The following THSD4 variants were observed in gnomAD, a reference collection of about 807,000 sequenced individuals.
The protein encoded by THSD4 is thrombospondin type-1 domain-containing protein 4.
Under a neutral mutation model 119.0 loss-of-function variants are expected in THSD4, and 69 were observed. That is an observed-to-expected ratio of 0.58 (90% CI 0.48 to 0.71). THSD4 has a LOEUF of 0.71. THSD4 is among the 30% of genes least tolerant of loss of function. The pLI is 0.00. For synonymous variants in THSD4, 524 were observed against 540.4 expected, an observed-to-expected ratio of 0.97 and a Z score of 0.42; for missense variants, 1,393 against 1,391.1, an observed-to-expected ratio of 1.00 and a Z score of -0.02.
chr15:71,332,256 G>A (rs190435400), intron 6 of THSD4, among the ~76,000 whole-genome samples: 2 of 152,342 alleles, frequency 1.3e-5, no homozygotes, highest in African/African-American at 2.4e-5. Flanking sequence ...ACAGCAGCTG[G>A]AGCCGTTGGT....
rs1003546437 is a variant in THSD4, at chr15:71,115,520, C to A, written c.-258C>A. On this transcript the variant is annotated 5_prime_UTR_variant, in exon 1 of 18. Transcript: ENST00000261862. This position sits in a 1 kb window ranked among gnomAD's most constrained non-coding sequence, Gnocchi z 4.4. ...GCGCGCGCCTGAACCGCTGGCCGCC[C>A]GCGCAGCCCGACGCGGAATCGGGGC... The A allele has an allele frequency of 7.2e-5, 11 of 151,776 alleles. No individual in the cohort carries two copies. Among genetic ancestry groups the A allele is most frequent in the African/African-American group, 2.2e-4 (9 of 41,484 alleles). The allele number at this position is 151,776 out of a possible 1,614,324, so 9.4% of individuals were successfully genotyped here.
intron 8 of THSD4, among the ~76,000 whole-genome samples, chr15:71,707,018 A>G (rs937840494): frequency 1.3e-5 from 2 of 152,116 alleles, no homozygotes; most frequent in Admixed American, 6.6e-5. Flanking sequence ...TGAAGGAGGC[A>G]GGAGGGGTTA....
chr15:71,684,158 C>G (rs1169215728), intron 8 of THSD4, among the ~76,000 whole-genome samples: 1 of 152,218 alleles, frequency 6.6e-6, no homozygotes, highest in African/African-American at 2.4e-5. Flanking sequence ...AGAATGGAAT[C>G]TGTTCCTTTT....
At chr15:71,659,333 A>G (rs1473317695) in intron 7 of THSD4, among the ~76,000 whole-genome samples, 1 of 152,234 alleles carries the variant, frequency 6.6e-6, no homozygotes, top group Non-Finnish European at 1.5e-5. Flanking sequence ...TTCAGGAAAC[A>G]TGATCCTGAG....
At chr15:71,573,129 T>A (rs1368770907) in intron 7 of THSD4, among the ~76,000 whole-genome samples, 1 of 152,080 alleles carries the variant, frequency 6.6e-6, no homozygotes, top group Non-Finnish European at 1.5e-5. Context: ...ACAACAGACT[T>A]AGGGTTTCTG....
intron 6 of THSD4, among the ~76,000 whole-genome samples, chr15:71,365,065 A>T (rs935213309): frequency 6.6e-6 from 1 of 151,636 alleles, no homozygotes; most frequent in East Asian, 1.9e-4. Flanking sequence ...TACAAAAATC[A>T]TTTATCAGAC....
intron 8 of THSD4, among the ~76,000 whole-genome samples, chr15:71,724,397 T>C (rs2052794574): frequency 1.3e-5 from 2 of 150,896 alleles, no homozygotes; most frequent in African/African-American, 4.8e-5. Flanking sequence ...GCCATTCTCC[T>C]GCCTCAGCCT....
intron 7 of THSD4, among the ~76,000 whole-genome samples, chr15:71,607,956 G>A (rs2050139673): frequency 6.6e-6 from 1 of 152,122 alleles, no homozygotes. Flanking sequence ...GGGCTGGGTG[G>A]CTTACACCTG....
At chr15:71,456,844 C>G (rs955682939) in intron 7 of THSD4, among the ~76,000 whole-genome samples, 3 of 152,082 alleles carry the variant, frequency 2.0e-5, no homozygotes, top group Non-Finnish European at 4.4e-5. Flanking sequence ...TTTAACAAAC[C>G]AGTGTTATTT....
chr15:71,290,826 T>C (rs890077922), intron 6 of THSD4, among the ~76,000 whole-genome samples: 1 of 151,876 alleles, frequency 6.6e-6, no homozygotes, highest in African/African-American at 2.4e-5. Context: ...ATTTTTAACA[T>C]GTATAGTCAC....
At chr15:71,482,484 G>A (rs1029687425) in intron 7 of THSD4, among the ~76,000 whole-genome samples, 3 of 152,122 alleles carry the variant, frequency 2.0e-5, no homozygotes, top group African/African-American at 4.8e-5. Flanking sequence ...TAGAGATGGT[G>A]TTTCACTGTG....
intron 6 of THSD4, among the ~76,000 whole-genome samples, chr15:71,379,068 G>A (rs2046190366): frequency 6.6e-6 from 1 of 152,222 alleles, no homozygotes; most frequent in Non-Finnish European, 1.5e-5. Flanking sequence ...ATAGGCATGA[G>A]CCACCATGCC....
chr15:71,543,305 T>C (rs1334764559), intron 7 of THSD4, among the ~76,000 whole-genome samples: 2 of 152,002 alleles, frequency 1.3e-5, no homozygotes, highest in Non-Finnish European at 2.9e-5. Context: ...GGAGTCACAT[T>C]TTAGAAGATC....
chr15:71,458,656 A>G (rs1411115907), intron 7 of THSD4, among the ~76,000 whole-genome samples: 2 of 152,240 alleles, frequency 1.3e-5, no homozygotes, highest in East Asian at 3.8e-4. Context: ...CATGAATGAT[A>G]AAGCATAAAT....
rs1324460998 is a variant in THSD4, at chr15:71,104,814, T to C, written c.-80+7808T>C. On this transcript the variant is annotated intron_variant, in intron 1 of 17. Coordinates refer to the THSD4 transcript ENST00000355327. ...AAGGAGTAGAGCTTTGTGTAAAAATTTGGAGTCAACAGAAAAGAAAGTTTT... is the reference window on the plus strand; with the variant it reads ...AAGGAGTAGAGCTTTGTGTAAAAATCTGGAGTCAACAGAAAAGAAAGTTTT... 2.6e-5 allele frequency among the ~76,000 whole-genome samples: 4 copies of C among 152,252 alleles called. No homozygotes were observed. The South Asian group carries it at 8.3e-4, about 32-fold the overall frequency.
At chr15:71,144,011 G>C (rs1438388184) in intron 2 of THSD4, among the ~76,000 whole-genome samples, 1 of 152,146 alleles carries the variant, frequency 6.6e-6, no homozygotes, top group Non-Finnish European at 1.5e-5. Flanking sequence ...AGCAGGATGG[G>C]AGTAGTTGAA....
intron 7 of THSD4, among the ~76,000 whole-genome samples, chr15:71,617,452 G>A (rs1209765838): frequency 6.6e-6 from 1 of 151,514 alleles, no homozygotes; most frequent in Admixed American, 6.6e-5. Context: ...TTCCTCTAAG[G>A]ATTTCAATTT....
intron 10 of THSD4, chr15:71,732,702 G>T (rs763211211): frequency 3.3e-5 from 5 of 152,220 alleles, no homozygotes; most frequent in Non-Finnish European, 5.9e-5. Context: ...AGCTTAGGAA[G>T]AGTAAGTTAA....
rs188597058 is a variant in THSD4 at position 71,611,172 on chromosome 15, A to G, written c.1153-49358A>G. Among the ~76,000 whole-genome samples the G allele has an allele frequency of 6.6e-4, 100 of 152,328 alleles. 1 individual carries two copies. The highest frequency in any genetic ancestry group is 2.0e-3 in the African/African-American group (82 of 41,582). ...ATTTTACCAGTTTTGCAGTTGTGCA[A>G]TCAGTAAGTATGCCACAAATAGCAG... On this transcript the variant is annotated intron_variant, in intron 7 of 17. Transcript: ENST00000261862.
Sources: gnomAD v4.1 joint callset for allele counts (sites outside exome capture counted in the v4.1 genomes callset) on GRCh38, gnomAD v4.1.1 for gene constraint, Gnocchi (gnomAD v3.1) non-coding constraint, MANE v1.5 for transcripts, NCBI Gene and HGNC (gene_info 2026-07-23, HGNC 2026-07-21) for gene names.